CSMD1: variants seen among roughly 807,000 people sequenced by gnomAD.
The protein encoded by CSMD1 is CUB and sushi domain-containing protein 1.
A neutral mutation model predicts 417.5 loss-of-function variants in CSMD1; 213 were observed. That is an observed-to-expected ratio of 0.51 (90% CI 0.46 to 0.57). CSMD1 has a LOEUF of 0.57. CSMD1 is among the 20% of genes least tolerant of loss of function. The pLI, the probability that CSMD1 is intolerant of heterozygous loss-of-function variation, is 0.00. For missense variants in CSMD1, 6,923 were observed against 4,529.7 expected (o/e 1.53, Z -15.17); for synonymous variants, 2,862 against 1,736.8 (o/e 1.65, Z -16.11).
chr8:3,203,495 C>G (rs1335375434), intron 31 of CSMD1, among the ~76,000 whole-genome samples: 1 of 152,120 alleles, frequency 6.6e-6, no homozygotes, highest in Non-Finnish European at 1.5e-5. Flanking sequence ...GCACTATCAG[C>G]AAGAAGGATT....
At chr8:3,409,157 T>C (rs997124084) in intron 13 of CSMD1, among the ~76,000 whole-genome samples, 7 of 152,332 alleles carry the variant, frequency 4.6e-5, no homozygotes, top group African/African-American at 1.4e-4. Flanking sequence ...GAAACAACGA[T>C]ATATGTGATG....
chr8:3,219,683 T>G (rs937924795), intron 28 of CSMD1, among the ~76,000 whole-genome samples: 1 of 152,180 alleles, frequency 6.6e-6, no homozygotes, highest in African/African-American at 2.4e-5. Context: ...ACAATATTAT[T>G]CTGACCACAG....
At chr8:3,534,160 A>C (rs547953384) in intron 10 of CSMD1, among the ~76,000 whole-genome samples, 231 of 152,302 alleles carry the variant, frequency 1.5e-3, no homozygotes, top group African/African-American at 5.3e-3. Flanking sequence ...ATACCCTTGA[A>C]GTAATTCCAT....
chr8:3,408,277 T>G, intron 13 of CSMD1, 52 bp from the exon 14 acceptor site: 3 of 1,410,806 alleles, frequency 2.1e-6, no homozygotes, highest in Non-Finnish European at 2.9e-6. Context: ...TCCAAAGAAT[T>G]GCCATGTGAA....
chr8:4,018,267 G>C (rs904162022), intron 4 of CSMD1, among the ~76,000 whole-genome samples: 24 of 152,006 alleles, frequency 1.6e-4, no homozygotes, highest in Non-Finnish European at 2.1e-4. Context: ...GTATTATGGT[G>C]TTTGAGAGTC....
intron 2 of CSMD1, among the ~76,000 whole-genome samples, chr8:4,493,327 T>C (rs763932498): frequency 2.6e-5 from 4 of 152,162 alleles, no homozygotes; most frequent in Non-Finnish European, 4.4e-5. Context: ...TGTGTGTGTA[T>C]GTTCACTCTT....
At chr8:4,837,270 C>A (rs1204926210) in intron 1 of CSMD1, among the ~76,000 whole-genome samples, 1 of 152,104 alleles carries the variant, frequency 6.6e-6, no homozygotes, top group Admixed American at 6.5e-5. Flanking sequence ...AAAAGGAAAT[C>A]TACACATCAA....
At chr8:2,958,199 G>T (rs1489134841) in intron 62 of CSMD1, among the ~76,000 whole-genome samples, 5 of 152,032 alleles carry the variant, frequency 3.3e-5, no homozygotes, top group Non-Finnish European at 4.4e-5. Flanking sequence ...AAGGGGATTG[G>T]TCAACTCCTA....
intron 1 of CSMD1, among the ~76,000 whole-genome samples, chr8:4,913,011 A>G (rs1585315572): frequency 1.3e-5 from 2 of 151,916 alleles, no homozygotes; most frequent in Non-Finnish European, 2.9e-5. Context: ...ATAGTCTCGA[A>G]CTCCTGACCT....
chr8:4,394,130 G>C (rs1034468572), intron 3 of CSMD1, among the ~76,000 whole-genome samples: 1 of 152,118 alleles, frequency 6.6e-6, no homozygotes, highest in Non-Finnish European at 1.5e-5. Flanking sequence ...TATCTTCTAA[G>C]TATTATTATT....
intron 3 of CSMD1, among the ~76,000 whole-genome samples, chr8:4,350,412 G>A (rs1801023795): frequency 6.6e-6 from 1 of 152,154 alleles, no homozygotes; most frequent in South Asian, 2.1e-4. Context: ...GATATGCTCT[G>A]ATTTACTATA....
chr8:3,836,180 A>G (rs1242396121), intron 5 of CSMD1, among the ~76,000 whole-genome samples: 1 of 151,982 alleles, frequency 6.6e-6, no homozygotes, highest in Admixed American at 6.6e-5. Context: ...TTTATTATAG[A>G]TTTTTCCACT....
chr8:3,316,589 G>C (rs1375448566), intron 23 of CSMD1, among the ~76,000 whole-genome samples: 5 of 152,296 alleles, frequency 3.3e-5, no homozygotes, highest in African/African-American at 4.8e-5. Flanking sequence ...CTCAGAGGGA[G>C]AACAGTCCAG....
intron 5 of CSMD1, among the ~76,000 whole-genome samples, chr8:3,909,855 T>C (rs777494673): frequency 9.2e-5 from 14 of 152,156 alleles, no homozygotes; most frequent in Non-Finnish European, 1.8e-4. Flanking sequence ...TCCTGCTGTA[T>C]ACAAGTTGAT....
chr8:4,485,926 C>A (rs1801353845), intron 2 of CSMD1, among the ~76,000 whole-genome samples: 1 of 151,762 alleles, frequency 6.6e-6, no homozygotes, highest in Admixed American at 6.6e-5. Flanking sequence ...AAGTTCATTT[C>A]AATTATTTTG....
At chr8:4,891,049 T>C (rs1358332903) in intron 1 of CSMD1, among the ~76,000 whole-genome samples, 2 of 152,160 alleles carry the variant, frequency 1.3e-5, no homozygotes, top group East Asian at 1.9e-4. Flanking sequence ...ATTCATTACA[T>C]GCCCAAATTA....
intron 12 of CSMD1, among the ~76,000 whole-genome samples, chr8:3,451,754 C>T (rs1322779236): frequency 2.6e-5 from 4 of 152,174 alleles, no homozygotes; most frequent in African/African-American, 9.7e-5. Context: ...TAGCATGACG[C>T]CTCCAGCTTT....
chr8:3,973,474 G>C (rs990228697), intron 5 of CSMD1, among the ~76,000 whole-genome samples: 17 of 152,116 alleles, frequency 1.1e-4, no homozygotes, highest in African/African-American at 3.9e-4. Context: ...TTCTGAAGTT[G>C]TTTATTTTAA....
At chr8:3,136,841 G>C (rs1310018456) in intron 41 of CSMD1, among the ~76,000 whole-genome samples, 1 of 152,108 alleles carries the variant, frequency 6.6e-6, no homozygotes, top group African/African-American at 2.4e-5. Context: ...ACATTACCAA[G>C]ACTGGACACA....
Sources: allele counts gnomAD v4.1 joint callset (sites outside exome capture counted in the v4.1 genomes callset), GRCh38; gene constraint gnomAD v4.1.1; transcripts MANE v1.5; gene names NCBI Gene and HGNC (gene_info 2026-07-23, HGNC 2026-07-21).